Variants in NLRP1 observed in about 807,000 individuals in gnomAD.
NLRP1 encodes the protein NLR family pyrin domain containing 1.
In NLRP1, 94 loss-of-function variants were observed where a neutral mutation model predicts 136.7. The ratio of observed to expected loss-of-function variants is 0.69; its 90% CI spans 0.58 to 0.82. NLRP1 has a LOEUF of 0.82. NLRP1 is among the 40% of genes least tolerant of loss of function. The pLI, the probability that NLRP1 is intolerant of heterozygous loss-of-function variation, is 0.00. For missense variants in NLRP1, 1,575 were observed against 1,802.7 expected (o/e 0.87, Z 2.29); for synonymous variants, 690 against 725.1 (o/e 0.95, Z 0.78).
At chr17:5,550,999 T>C (rs1403023158) in intron 5 of NLRP1, among the ~76,000 whole-genome samples, 1 of 152,174 alleles carries the variant, frequency 6.6e-6, no homozygotes, top group South Asian at 2.1e-4. Context: ...CACTAGTATA[T>C]TGTGGTGACA....
At position 5,583,302 on chromosome 17, in the gene NLRP1, G is replaced by A. The variant is rs1005580893; in HGVS notation, c.271+385C>T. ...TCTCTTTTAACCCTCACACAGCCCA[G>A]GGAGGCGGGCTCTCACTCTCCCATT... On this transcript the variant is annotated intron_variant, in intron 1 of 16. Coordinates refer to ENST00000572272, the MANE Select transcript of NLRP1 (RefSeq NM_033004.4). This position sits in a 1 kb window ranked among gnomAD's most constrained non-coding sequence, Gnocchi z 4.5. Among the ~76,000 whole-genome samples, 10 of 152,192 alleles carry A rather than the reference G, an allele frequency of 6.6e-5. No homozygotes were observed. The highest frequency in any genetic ancestry group is 2.2e-4 in the African/African-American group (9 of 41,418).
intron 13 of NLRP1, 148 bp downstream of exon 13, chr17:5,521,376 G>A: frequency 1.3e-6 from 1 of 770,606 alleles, no homozygotes. Context: ...AGACTGAGAG[G>A]GGACGAATTG....
Position 5,582,740 on chromosome 17 carries a change from C to G in NLRP1, c.378G>C (p.Ala126=). 1 of 1,614,118 alleles carries G rather than the reference C, an allele frequency of 6.2e-7. No individual in the cohort carries two copies. Among genetic ancestry groups the G allele is most frequent in the Non-Finnish European group, 8.5e-7 (1 of 1,180,018 alleles). ...VLMPWIHELP[A]GCTQGSERRV... The stretch of plus-strand genomic sequence containing the variant: ...TTCTCTCTGAGCCCTGGGTGCACCC[C>G]GCCGGCAATTCATGGATCCAGGGCA... The change falls in exon 2 of 17, where the codon GCG becomes GCC. Residue 126 remains alanine, a synonymous_variant. Transcript: ENST00000572272.
intron 11 of NLRP1, 108 bp downstream of exon 11, chr17:5,532,714 G>A (rs1910462149): frequency 1.1e-6 from 1 of 925,342 alleles, no homozygotes; most frequent in Non-Finnish European, 1.6e-6. Context: ...GGACCCAGTG[G>A]TGAGTGTGAG....
intron 5 of NLRP1, among the ~76,000 whole-genome samples, chr17:5,542,963 G>A (rs1415821915): frequency 1.3e-5 from 2 of 152,156 alleles, no homozygotes; most frequent in African/African-American, 4.8e-5. Context: ...CTGAGTAGCT[G>A]GGATTACAGG....
chr17:5,549,140 T>A (rs891336093), intron 5 of NLRP1, among the ~76,000 whole-genome samples: 1 of 152,236 alleles, frequency 6.6e-6, no homozygotes, highest in African/African-American at 2.4e-5. Flanking sequence ...TTTTTGTAGT[T>A]CTCTGTATAC....
chr17:5,573,069 C>T (rs1338546658), intron 3 of NLRP1, among the ~76,000 whole-genome samples: 1 of 152,116 alleles, frequency 6.6e-6, no homozygotes, highest in African/African-American at 2.4e-5. Flanking sequence ...CTTTCCTAGC[C>T]AAGGGAAGCT....
intron 12 of NLRP1, among the ~76,000 whole-genome samples, chr17:5,525,421 G>A (rs567696878): frequency 6.6e-6 from 1 of 152,330 alleles, no homozygotes; most frequent in African/African-American, 2.4e-5. Context: ...GTTTGCCTTG[G>A]GACATTGCTG....
downstream of NLRP1, among the ~76,000 whole-genome samples, chr17:5,510,366 G>GTT (rs1038391459): frequency 1.4e-5 from 2 of 146,340 alleles, no homozygotes; most frequent in East Asian, 2.0e-4. Context: ...AAAAAAACTG[G>GTT]TTTTTTTTTT....
In NLRP1 at chr17:5,583,159, G is replaced by C. The variant is rs1377977182; in HGVS notation, c.272-313C>G. ...TGGGCCAACGGCATCTGCAACCCAG[G>C]GTGGCTAATAGTAATAATAACAGCA... is the stretch of plus-strand genomic sequence containing the variant. On this transcript the variant is annotated intron_variant, in intron 1 of 16. Transcript: ENST00000572272. The surrounding 1 kb of genome is among the most constrained non-coding windows in gnomAD (Gnocchi z 4.5). Among the ~76,000 whole-genome samples, 1 of 152,040 alleles carries C rather than the reference G, an allele frequency of 6.6e-6. No individual in the cohort carries two copies.
chr17:5,557,714 C>T (rs1201565458), intron 4 of NLRP1, among the ~76,000 whole-genome samples: 1 of 152,194 alleles, frequency 6.6e-6, no homozygotes, highest in East Asian at 1.9e-4. Flanking sequence ...GGGAAGTTCT[C>T]AGTACTGCCG....
downstream of NLRP1, among the ~76,000 whole-genome samples, chr17:5,511,324 C>T (rs560543393): frequency 6.6e-6 from 1 of 151,634 alleles, no homozygotes; most frequent in Admixed American, 6.6e-5. Context: ...CCCAGCTACT[C>T]GGGAGGCTGA....
intron 15 of NLRP1, among the ~76,000 whole-genome samples, chr17:5,507,417 G>A (rs1036453591): frequency 6.6e-6 from 1 of 152,130 alleles, no homozygotes; most frequent in African/African-American, 2.4e-5. Context: ...AAATTCAGCC[G>A]GGCATGGTGG....
In NLRP1 at chr17:5,553,322, C is replaced by G; in HGVS notation, c.2528+64G>C. ...ACAAAGACAAATCCCTCAGCCCAGA[C>G]TCAGCTTCTGCCTTGGATCTCTTCC... On this transcript the variant is annotated intron_variant, in intron 5 of 16. Transcript: ENST00000572272. 3 of 1,447,662 alleles carry G rather than the reference C, an allele frequency of 2.1e-6. No individual in the cohort carries two copies. The East Asian group carries it at 7.1e-5, about 34-fold the overall frequency. 89.7% of individuals were successfully genotyped at this position (1,447,662 alleles called of 1,614,324 possible). A position where few individuals can be genotyped will look rare whatever the true frequency, so the allele number is the denominator to read the frequency against.
At chr17:5,520,257 G>T (rs1312447107) in intron 14 of NLRP1, among the ~76,000 whole-genome samples, 1 of 152,136 alleles carries the variant, frequency 6.6e-6, no homozygotes, top group Non-Finnish European at 1.5e-5. Context: ...GGCAGATGAG[G>T]CCTGGTAAGA....
intron 11 of NLRP1, among the ~76,000 whole-genome samples, chr17:5,532,347 A>T (rs1172266456): frequency 6.6e-6 from 1 of 152,246 alleles, no homozygotes; most frequent in Non-Finnish European, 1.5e-5. Flanking sequence ...AGTAGATGAA[A>T]TGAAAGACTT....
At chr17:5,552,758 A>G (rs76351905) in intron 5 of NLRP1, among the ~76,000 whole-genome samples, 1 of 152,216 alleles carries the variant, frequency 6.6e-6, no homozygotes, top group East Asian at 1.9e-4. Context: ...TGTGACATTT[A>G]AAAGTACTAT....
At chr17:5,572,634 C>T (rs190219072) in intron 3 of NLRP1, among the ~76,000 whole-genome samples, 66 of 151,030 alleles carry the variant, frequency 4.4e-4, no homozygotes, top group Admixed American at 2.4e-3. Context: ...CCCTTGAGCC[C>T]GTGAGGTGGA....
chr17:5,580,622 CTT>C (rs2151829394), intron 3 of NLRP1, among the ~76,000 whole-genome samples: 1 of 152,256 alleles, frequency 6.6e-6, no homozygotes, highest in African/African-American at 2.4e-5. Context: ...ATGAGGTAGT[CTT>C]TGTGGTTTTC....
Sources: gnomAD v4.1 joint callset for allele counts (sites outside exome capture counted in the v4.1 genomes callset) on GRCh38, gnomAD v4.1.1 for gene constraint, Gnocchi (gnomAD v3.1) non-coding constraint, MANE v1.5 for transcripts, NCBI Gene and HGNC (gene_info 2026-07-23, HGNC 2026-07-21) for gene names.